TRMT9B: variants seen among roughly 807,000 people sequenced by gnomAD.
TRMT9B encodes probable tRNA methyltransferase 9B.
TRMT9B carries 16 observed loss-of-function variants against 11.5 expected under a neutral mutation model. That is an observed-to-expected ratio of 1.39 (90% CI 0.94 to 2.11). The LOEUF (loss-of-function observed/expected upper bound fraction) is 2.11. Ranked by LOEUF, TRMT9B falls within the 30% of genes most tolerant of loss-of-function variation. The pLI is 0.00. For synonymous variants in TRMT9B, 274 were observed against 192.4 expected (o/e 1.42, Z -3.51); for missense variants, 941 against 553.8 (o/e 1.70, Z -7.02).
At chr8:13,004,365 G>T (rs933522884) in intron 2 of TRMT9B, among the ~76,000 whole-genome samples, 1 of 151,712 alleles carries the variant, frequency 6.6e-6, no homozygotes, top group Non-Finnish European at 1.5e-5. Flanking sequence ...GCACCACCCC[G>T]CTCCCAACCC....
At chr8:13,003,746 T>C (rs1162087835) in intron 2 of TRMT9B, among the ~76,000 whole-genome samples, 2 of 151,042 alleles carry the variant, frequency 1.3e-5, no homozygotes, top group African/African-American at 2.4e-5. Flanking sequence ...GATGGCTAAA[T>C]GGAAGGCTCC....
chr8:13,007,173 T>A (rs1418154196), intron 3 of TRMT9B: 1 of 152,226 alleles, frequency 6.6e-6, no homozygotes, highest in East Asian at 1.9e-4. Context: ...TATAGAATTG[T>A]GGGATTATGG....
At chr8:12,946,812 C>T (rs1800289293) in intron 1 of TRMT9B, among the ~76,000 whole-genome samples, 1 of 152,156 alleles carries the variant, frequency 6.6e-6, no homozygotes, top group African/African-American at 2.4e-5. Context: ...AGTGGCATTT[C>T]TCTTTTTGGT....
intron 1 of TRMT9B, among the ~76,000 whole-genome samples, chr8:12,953,020 G>A (rs748709051): frequency 6.6e-6 from 1 of 152,100 alleles, no homozygotes; most frequent in Non-Finnish European, 1.5e-5. Context: ...TTACAGGCGT[G>A]AGCCACCGGG....
intron 2 of TRMT9B, among the ~76,000 whole-genome samples, chr8:13,001,513 T>C (rs892110158): frequency 1.3e-5 from 2 of 152,196 alleles, no homozygotes; most frequent in Non-Finnish European, 2.9e-5. Context: ...TAAAACTACA[T>C]GAATGAAAAA....
In TRMT9B at chr8:13,027,195, A is replaced by T. The variant is rs191663432; in HGVS notation, c.*5151A>T. 1 of 167,200 alleles carries T rather than the reference A, an allele frequency of 6.0e-6. No homozygotes were observed. The highest frequency in any genetic ancestry group is 1.5e-5 in the Non-Finnish European group (1 of 68,110). 10.4% of individuals were successfully genotyped at this position (167,200 alleles called of 1,614,324 possible). ...GCTGTGTGCTGGATACATATGATAC[A>T]AGGTAATGACTATCTGGCATCTTGA... On this transcript the variant is annotated 3_prime_UTR_variant, in exon 5 of 5. Coordinates refer to ENST00000524591, the MANE Select transcript of TRMT9B (RefSeq NM_020844.3).
At position 13,029,644 on chromosome 8, in the gene TRMT9B, A is replaced by G. The variant is rs1468170153; in HGVS notation, c.*7600A>G. 1 of 159,334 alleles carries G rather than the reference A, an allele frequency of 6.3e-6. No homozygotes were observed. Among genetic ancestry groups the G allele is most frequent in the Non-Finnish European group, 1.5e-5 (1 of 68,080 alleles). The allele number at this position is 159,334 out of a possible 1,614,324, so 9.9% of individuals were successfully genotyped here. A position where few individuals can be genotyped will look rare whatever the true frequency, so the allele number is the denominator to read the frequency against. On this transcript the variant is annotated 3_prime_UTR_variant, in exon 5 of 5. Coordinates refer to ENST00000524591, the MANE Select transcript of TRMT9B (RefSeq NM_020844.3). ...CAGAACGGGGCAAGTTCGTATTTGAATTCTGTTATATTTATCTAAGGGAAG... is the reference window on the plus strand; with the variant it reads ...CAGAACGGGGCAAGTTCGTATTTGAGTTCTGTTATATTTATCTAAGGGAAG...
At chr8:12,994,792 C>A (rs1220366167) in intron 2 of TRMT9B, among the ~76,000 whole-genome samples, 2 of 152,196 alleles carry the variant, frequency 1.3e-5, no homozygotes, top group Non-Finnish European at 2.9e-5. Context: ...AGCAATTCTC[C>A]TGCCTCAGCC....
chr8:13,011,751 A>G, intron 3 of TRMT9B: 1 of 968,190 alleles, frequency 1.0e-6, no homozygotes, highest in South Asian at 4.8e-5. Context: ...TCTATTTAAG[A>G]AAAAAAGTAG....
intron 1 of TRMT9B, among the ~76,000 whole-genome samples, chr8:12,968,951 C>A (rs1351912454): frequency 6.6e-6 from 1 of 152,172 alleles, no homozygotes; most frequent in Non-Finnish European, 1.5e-5. Context: ...GTGGCTCATG[C>A]CTGTAATCCC....
At chr8:13,012,928 A>T (rs1264358594) in intron 4 of TRMT9B, 71 bp downstream of exon 4, 6 of 1,545,674 alleles carry the variant, frequency 3.9e-6, no homozygotes, top group African/African-American at 1.4e-5. Context: ...CGTTCTCATG[A>T]CTCAACATCC....
At chr8:12,970,405 G>C (rs978882876) in intron 1 of TRMT9B, among the ~76,000 whole-genome samples, 6 of 152,190 alleles carry the variant, frequency 3.9e-5, no homozygotes, top group African/African-American at 1.4e-4. Context: ...AGTGAAGAGA[G>C]CACATTGTGG....
At chr8:12,976,711 G>A (rs1804513264) in intron 1 of TRMT9B, among the ~76,000 whole-genome samples, 1 of 152,202 alleles carries the variant, frequency 6.6e-6, no homozygotes, top group South Asian at 2.1e-4. Context: ...GCAAGGTTAA[G>A]AAAACTAACC....
chr8:13,025,741 C>G lies in TRMT9B; in HGVS notation c.*3697C>G, dbSNP rs1281026545. 2 of 166,948 alleles carry G rather than the reference C, an allele frequency of 1.2e-5. No homozygotes were observed. Among genetic ancestry groups the G allele is most frequent in the Non-Finnish European group, 2.9e-5 (2 of 68,116 alleles). The allele number at this position is 166,948 out of a possible 1,614,324, so 10.3% of individuals were successfully genotyped here. A position where few individuals can be genotyped will look rare whatever the true frequency, so the allele number is the denominator to read the frequency against. On this transcript the variant is annotated 3_prime_UTR_variant, in exon 5 of 5. Coordinates refer to ENST00000524591, the MANE Select transcript of TRMT9B (RefSeq NM_020844.3). ...ATCAAAGTAACTAACAAACTAGCTA[C>G]ACAAACGTCTTGGAGTTTGGTTTCG...
intron 2 of TRMT9B, among the ~76,000 whole-genome samples, chr8:13,003,697 A>T (rs1210332379): frequency 6.6e-6 from 1 of 151,600 alleles, no homozygotes; most frequent in Non-Finnish European, 1.5e-5. Flanking sequence ...GCCTCTGAAG[A>T]AGTTGAAGGT....
chr8:12,968,390 G>C (rs1014174229), intron 1 of TRMT9B, among the ~76,000 whole-genome samples: 1 of 152,162 alleles, frequency 6.6e-6, no homozygotes, highest in East Asian at 1.9e-4. Flanking sequence ...GGTTGGAATT[G>C]CTGTAAAAGG....
In TRMT9B at chr8:12,954,454, C is replaced by T. The variant is rs75403782; in HGVS notation, c.-200+8488C>T. On this transcript the variant is annotated intron_variant, in intron 1 of 4. Coordinates refer to ENST00000524591, the MANE Select transcript of TRMT9B (RefSeq NM_020844.3). ...ATTGAGAGCAAAATGCAATTAAATG[C>T]CTGTTTACTACATGTCACTGTTCTC... Among the ~76,000 whole-genome samples, 1,224 of 152,284 alleles carry T rather than the reference C, an allele frequency of 8.0e-3. 17 individuals carry two copies. The highest frequency in any genetic ancestry group is 0.027 in the African/African-American group (1,117 of 41,560).
Position 13,021,784 on chromosome 8 carries a change from A to C in TRMT9B, c.1105A>C (p.Asn369His). ...CVDAGNIEDD[N>H]PSASKILRRI... ...GGATGCAGGCAACATAGAAGATGAT[A>C]ATCCTTCTGCTAGTAAAATATTGAG... Residue 369 changes from asparagine (N) to histidine (H), a missense_variant, in exon 5 of 5, where the codon AAT becomes CAT. By Grantham distance (68) the Asn-to-His change is moderately conservative (BLOSUM62 1). Coordinates refer to ENST00000524591, the MANE Select transcript of TRMT9B (RefSeq NM_020844.3). 6.2e-7 allele frequency: 1 copy of C among 1,613,920 alleles called. No individual in the cohort carries two copies. The highest frequency in any genetic ancestry group is 1.1e-5 in the South Asian group (1 of 91,056).
At position 13,021,232 on chromosome 8, in the gene TRMT9B, G is replaced by A; in HGVS notation, c.553G>A (p.Glu185Lys). The change falls in exon 5 of 5, where the codon GAA becomes AAA. Residue 185 changes from glutamate to lysine, a missense_variant. Transcript: ENST00000524591. The part of the protein sequence containing the change: ...SGRKRQCGYP[E>K]RGHPYHPPCS... ...GAGGAAGAGGCAGTGTGGATACCCAGAAAGAGGCCATCCCTACCATCCTCC... is the reference window on the plus strand; with the variant it reads ...GAGGAAGAGGCAGTGTGGATACCCAAAAAGAGGCCATCCCTACCATCCTCC... The A allele has an allele frequency of 2.5e-6, 4 of 1,613,904 alleles. No homozygotes were observed. Among genetic ancestry groups the A allele is most frequent in the South Asian group, 1.1e-5 (1 of 91,058 alleles).
Sources: gnomAD v4.1 joint callset for allele counts (sites outside exome capture counted in the v4.1 genomes callset) on GRCh38, gnomAD v4.1.1 for gene constraint, MANE v1.5 for transcripts, NCBI Gene and HGNC (gene_info 2026-07-23, HGNC 2026-07-21) for gene names.